Variants in CFAP119 observed in about 807,000 individuals in gnomAD.
The protein encoded by CFAP119 is cilia and flagella associated protein 119.
the CFAP119 span, chr16:30,760,925 T>TC: frequency 3.3e-6 from 2 of 611,982 alleles, no homozygotes; most frequent in Admixed American, 5.8e-5. Flanking sequence ...CTTGGTCAAG[T>TC]ACTCCCTGTG....
the CFAP119 span, chr16:30,760,217 G>C: frequency 1.9e-6 from 3 of 1,612,234 alleles, no homozygotes; most frequent in Admixed American, 5.0e-5. Flanking sequence ...TGCTTCCCAT[G>C]GTCACTTGTG....
chr16:30,758,580 G>T, the CFAP119 span: 1 of 210,422 alleles, frequency 4.8e-6, no homozygotes, highest in Non-Finnish European at 9.7e-6. Flanking sequence ...TTTTGAGACA[G>T]AGTCTTGCTC....
the CFAP119 span, chr16:30,759,363 A>G: frequency 6.2e-7 from 1 of 1,614,202 alleles, no homozygotes; most frequent in South Asian, 1.1e-5. Context: ...AGACGTATTT[A>G]TAGAGCTTGA....
chr16:30,761,713 C>T, the CFAP119 span: 232 of 1,531,828 alleles, frequency 1.5e-4, 3 homozygotes, highest in East Asian at 2.7e-3. Flanking sequence ...ACTGCACCCT[C>T]ATTCCCAAAA....
chr16:30,761,653 G>C, the CFAP119 span: 2 of 1,535,838 alleles, frequency 1.3e-6, no homozygotes, highest in African/African-American at 1.4e-5. Context: ...GCACTGAGCT[G>C]CGATCCTTCC....
At chr16:30,761,671 C>T in the CFAP119 span, 1 of 1,535,912 alleles carries the variant, frequency 6.5e-7, no homozygotes, top group Non-Finnish European at 8.7e-7. Context: ...TCCCCGCTTC[C>T]CGCCGCAGCT....
At chr16:30,761,545 C>T in the CFAP119 span, 6 of 1,536,198 alleles carry the variant, frequency 3.9e-6, no homozygotes, top group Non-Finnish European at 4.4e-6. Context: ...CCGCCCTCAC[C>T]GGAAACAAGT....
the CFAP119 span, chr16:30,757,546 C>T: frequency 6.2e-7 from 1 of 1,614,276 alleles, no homozygotes; most frequent in Non-Finnish European, 8.5e-7. Context: ...CAACTTGCTG[C>T]TGAGCCTTTC....
chr16:30,758,954 C>G, the CFAP119 span: 2 of 1,604,474 alleles, frequency 1.2e-6, no homozygotes. Context: ...GTCATCCAAA[C>G]CCTTCATTCT....
chr16:30,761,141 T>C, the CFAP119 span: 1 of 1,591,174 alleles, frequency 6.3e-7, no homozygotes. Flanking sequence ...ACAGGACTGT[T>C]GGGGAGACAA....
chr16:30,761,066 C>CT, the CFAP119 span: 1 of 1,038,042 alleles, frequency 9.6e-7, no homozygotes, highest in Non-Finnish European at 1.4e-6. Context: ...AACTTCCAGT[C>CT]ACCTGGAGTA....
chr16:30,759,216 C>T, the CFAP119 span: 1 of 1,614,146 alleles, frequency 6.2e-7, no homozygotes, highest in Non-Finnish European at 8.5e-7. Context: ...TGGCTGTAGC[C>T]CCATGTAAGT....
chr16:30,760,966 C>T, the CFAP119 span: 1 of 613,590 alleles, frequency 1.6e-6, no homozygotes, highest in Non-Finnish European at 2.9e-6. Context: ...TACAATACTC[C>T]TTAGCGGCCA....
chr16:30,761,561 C>T, the CFAP119 span: 5 of 1,536,168 alleles, frequency 3.3e-6, no homozygotes, highest in Admixed American at 3.9e-5. Flanking sequence ...CAAGTTGGCT[C>T]CGGGGTCTTC....
the CFAP119 span, chr16:30,758,724 T>G: frequency 4.8e-6 from 2 of 416,108 alleles, no homozygotes; most frequent in South Asian, 2.4e-5. Flanking sequence ...CCTGGCTATT[T>G]TTTGTATTTT....
chr16:30,760,358 C>T, the CFAP119 span: 46 of 1,614,200 alleles, frequency 2.8e-5, 1 homozygote, highest in African/African-American at 2.5e-4. Flanking sequence ...GCCCTGCTGG[C>T]GGCAGAAAAT....
chr16:30,758,319 C>T, the CFAP119 span: 1 of 153,112 alleles, frequency 6.5e-6, no homozygotes, highest in African/African-American at 2.4e-5. Context: ...GATCCGCCTG[C>T]CTCAGCCTCC....
At chr16:30,757,474 G>A in the CFAP119 span, 2 of 1,612,168 alleles carry the variant, frequency 1.2e-6, no homozygotes, top group African/African-American at 1.3e-5. Flanking sequence ...AAATGTTGGG[G>A]GTCACTTGGT....
chr16:30,761,868 C>T, the CFAP119 span: 9 of 1,013,560 alleles, frequency 8.9e-6, no homozygotes, highest in Non-Finnish European at 1.2e-5. Context: ...GGCCAATCTA[C>T]GCGCGGAGAG....
Sources: gnomAD v4.1 joint callset for allele counts on GRCh38, gnomAD v4.1.1 for gene constraint, MANE v1.5 for transcripts, NCBI Gene and HGNC (gene_info 2026-07-23, HGNC 2026-07-21) for gene names.